PFKP: variants seen among roughly 807,000 people sequenced by gnomAD.
The protein encoded by PFKP is ATP-dependent 6-phosphofructokinase, platelet type.
A neutral mutation model predicts 94.3 loss-of-function variants in PFKP; 101 were observed. The observed-to-expected ratio is 1.07, with a 90% CI of 0.91 to 1.26. The LOEUF is 1.26. Ranked by LOEUF, PFKP falls within the 50% of genes most tolerant of loss-of-function variation. The probability of loss-of-function intolerance (pLI) is 0.00; values close to 1 mark genes in which losing one functional copy is unlikely to be tolerated. For missense variants in PFKP, 1,145 were observed against 1,103.3 expected, an observed-to-expected ratio of 1.04 and a Z score of -0.53; for synonymous variants, 573 against 432.6, an observed-to-expected ratio of 1.32 and a Z score of -4.03.
chr10:3,095,236 C>CGCACATAGGTGAACTACGCG, intron 2 of PFKP, among the ~76,000 whole-genome samples: 1 of 151,720 alleles, frequency 6.6e-6, no homozygotes, highest in South Asian at 2.1e-4. Flanking sequence ...AGAAAGCCAC[C>CGCACATAGGTGAACTACGCG]CATAGGTGAA....
chr10:3,070,685 G>A (rs1042078837), intron 1 of PFKP, among the ~76,000 whole-genome samples: 2 of 152,148 alleles, frequency 1.3e-5, no homozygotes, highest in Non-Finnish European at 1.5e-5. Context: ...AGGTGCATAC[G>A]TGATTGTGAT....
chr10:3,116,969 G>T (rs984781683), intron 14 of PFKP, 123 bp downstream of exon 14: 2 of 781,342 alleles, frequency 2.6e-6, no homozygotes, highest in Non-Finnish European at 4.6e-6. Flanking sequence ...TAAGGGAGGG[G>T]TGCAGGCAGT....
In PFKP at chr10:3,085,808, G is replaced by GGAGAGTCCTC. The variant is rs1337877858; in HGVS notation, c.186+3347_186+3348insGAGAGTCCTC. 1.9e-5 allele frequency among the ~76,000 whole-genome samples: 2 copies of GGAGAGTCCTC among 103,892 alleles called. 1 individual carries two copies. The highest frequency in any genetic ancestry group is 7.6e-5 in the African/African-American group (2 of 26,160). 68.2% of individuals were successfully genotyped at this position (103,892 alleles called of 152,430 possible). ...GCACAGTCCCCCACTCCACTCCCCA[G>GGAGAGTCCTC]CACAGTCCTCCGCCCCCTCCCCAGC... On this transcript the variant is annotated intron_variant, in intron 2 of 21. Coordinates refer to ENST00000381125, the MANE Select transcript of PFKP (RefSeq NM_002627.5).
intron 2 of PFKP, among the ~76,000 whole-genome samples, 173 bp downstream of exon 2, chr10:3,082,634 C>T (rs1177820941): frequency 1.3e-5 from 2 of 152,240 alleles, no homozygotes. Context: ...AGCCCCTGGT[C>T]TGCAGGGACA....
intron 13 of PFKP, among the ~76,000 whole-genome samples, chr10:3,116,436 A>ATAT (rs1836833042): frequency 6.6e-6 from 1 of 152,118 alleles, no homozygotes; most frequent in South Asian, 2.1e-4. Flanking sequence ...TTTTCCCTTA[A>ATAT]TCTTTTACCA....
intron 10 of PFKP, among the ~76,000 whole-genome samples, chr10:3,110,974 G>A (rs978002723): frequency 6.6e-6 from 1 of 151,820 alleles, no homozygotes; most frequent in African/African-American, 2.4e-5. Context: ...GTGTGCATGT[G>A]TGTATATGCA....
At chr10:3,095,233 C>T (rs957108071) in intron 2 of PFKP, among the ~76,000 whole-genome samples, 24 of 151,428 alleles carry the variant, frequency 1.6e-4, no homozygotes, top group Non-Finnish European at 3.0e-4. Context: ...CCGAGAAAGC[C>T]ACCCATAGGT....
At chr10:3,112,862 G>A (rs35308134) in intron 11 of PFKP, among the ~76,000 whole-genome samples, 2 of 151,836 alleles carry the variant, frequency 1.3e-5, no homozygotes, top group African/African-American at 4.8e-5. Flanking sequence ...GCCACCGCAC[G>A]CATGTCTTGC....
chr10:3,105,135 T>C lies in PFKP; in HGVS notation c.641T>C (p.Leu214Pro), dbSNP rs1298415638. The C allele has an allele frequency of 6.2e-7, 1 of 1,613,872 alleles. No homozygotes were observed. Among genetic ancestry groups the C allele is most frequent in the Non-Finnish European group, 8.5e-7 (1 of 1,179,956 alleles). The change falls in exon 6 of 22, where the codon CTG becomes CCG. Residue 214 changes from leucine to proline, a missense_variant. Coordinates refer to ENST00000381125, the MANE Select transcript of PFKP (RefSeq NM_002627.5). ...TAQSHQRTFVLEVMGRHCGYL... is the reference protein window; with the variant it reads ...TAQSHQRTFVPEVMGRHCGYL... The stretch of plus-strand genomic sequence containing the variant: ...TCCAGCCACCAGAGGACCTTCGTTC[T>C]GGAGGTGATGGGACGACACTGTGGG...
chr10:3,128,947 G>C (rs940488696), intron 16 of PFKP: 1 of 152,350 alleles, frequency 6.6e-6, no homozygotes, highest in Non-Finnish European at 1.5e-5. Context: ...GCGGGGCCGG[G>C]GATTCCCGAC....
intron 10 of PFKP, among the ~76,000 whole-genome samples, chr10:3,111,096 GTATGCTTA>G (rs767558328): frequency 1.3e-5 from 2 of 152,088 alleles, no homozygotes; most frequent in Non-Finnish European, 2.9e-5. Context: ...GTGTGTGCAT[GTATGCTTA>G]TATGCATGTG....
At chr10:3,100,862 C>CAAAAGAAAAAAA in intron 3 of PFKP, 1 of 653,980 alleles carries the variant, frequency 1.5e-6, no homozygotes. Flanking sequence ...GTATGTGGTG[C>CAAAAGAAAAAAA]AAAAAAAAAA....
At chr10:3,102,517 A>G (rs1835119299) in intron 4 of PFKP, among the ~76,000 whole-genome samples, 1 of 151,932 alleles carries the variant, frequency 6.6e-6, no homozygotes, top group Admixed American at 6.5e-5. Context: ...GGGTTCAAGC[A>G]ATTCTCCTGC....
chr10:3,135,700 C>T (rs776788623), intron 20 of PFKP, 36 bp from the exon 21 acceptor site: 9 of 1,290,614 alleles, frequency 7.0e-6, no homozygotes, highest in Non-Finnish European at 1.0e-5. Flanking sequence ...CCCATGTTGA[C>T]AGGGTGTTAT....
At chr10:3,118,683 C>T in intron 14 of PFKP, 99 bp from the exon 15 acceptor site, 2 of 759,198 alleles carry the variant, frequency 2.6e-6, no homozygotes, top group Non-Finnish European at 4.5e-6. Flanking sequence ...ATTAAAACCA[C>T]AGACTGGGGA....
At position 3,105,402 on chromosome 10, in the gene PFKP, C is replaced by T. The variant is rs1469488820; in HGVS notation, c.675C>T (p.Ala225=). 1 of 1,613,470 alleles carries T rather than the reference C, an allele frequency of 6.2e-7. No homozygotes were observed. Among genetic ancestry groups the T allele is most frequent in the East Asian group, 2.2e-5 (1 of 44,872 alleles). Residue 225 remains alanine, a synonymous_variant, in exon 7 of 22, where the codon GCC becomes GCT. Coordinates refer to ENST00000381125, the MANE Select transcript of PFKP (RefSeq NM_002627.5). ...TGCCTTGTCCACATAGGTACCTGGC[C>T]CTGGTGAGTGCCTTGGCCTGCGGTG... is the stretch of plus-strand genomic sequence containing the variant. ...EVMGRHCGYL[A]LVSALACGAD...
chr10:3,088,151 CCA>C (rs1203261506), intron 2 of PFKP, among the ~76,000 whole-genome samples: 3 of 117,982 alleles, frequency 2.5e-5, no homozygotes, highest in African/African-American at 9.8e-5. Context: ...CCCCCTCCCC[CCA>C]CCCCACAACA....
rs752890698 is a variant in PFKP at position 3,082,465 on chromosome 10, A to C, written c.186+4A>C. ...CAAGGTGTACTTCATCTACGAGGTC[A>C]GTGTCTGCCCCTCACCCCCTGTCGC... On this transcript the variant is annotated splice_donor_region_variant and intron_variant, in intron 2 of 21. Coordinates refer to ENST00000381125, the MANE Select transcript of PFKP (RefSeq NM_002627.5). 2 of 1,600,996 alleles carry C rather than the reference A, an allele frequency of 1.2e-6. No homozygotes were observed. Among genetic ancestry groups the C allele is most frequent in the Non-Finnish European group, 1.7e-6 (2 of 1,171,270 alleles).
intron 10 of PFKP, among the ~76,000 whole-genome samples, chr10:3,111,265 T>G (rs1037823935): frequency 2.4e-4 from 37 of 152,066 alleles, no homozygotes; most frequent in African/African-American, 8.7e-4. Context: ...GGCATGAGTG[T>G]GAGGTAGCGT....
Sources: gnomAD v4.1 joint callset for allele counts (sites outside exome capture counted in the v4.1 genomes callset) on GRCh38, gnomAD v4.1.1 for gene constraint, MANE v1.5 for transcripts, NCBI Gene and HGNC (gene_info 2026-07-23, HGNC 2026-07-21) for gene names.